Variants in SYT10 observed in about 807,000 individuals in gnomAD.
The protein encoded by SYT10 is synaptotagmin-10.
Under a neutral mutation model 51.1 loss-of-function variants are expected in SYT10, and 31 were observed. The ratio of observed to expected loss-of-function variants is 0.61; its 90% CI spans 0.46 to 0.82. SYT10 has a LOEUF of 0.82. Among genes scored for constraint, SYT10 ranks in the 40% least tolerant of loss-of-function variants. The pLI is 0.00. For synonymous variants in SYT10, 233 were observed against 225.9 expected (o/e 1.03, Z -0.28); for missense variants, 603 against 634.0 (o/e 0.95, Z 0.53).
chr12:33,418,054 C>T (rs1357236627), intron 2 of SYT10, among the ~76,000 whole-genome samples: 3 of 152,190 alleles, frequency 2.0e-5, no homozygotes. Context: ...ACAGTATATT[C>T]ACTGTTCAAA....
intron 1 of SYT10, among the ~76,000 whole-genome samples, chr12:33,434,457 A>T (rs1261665961): frequency 6.6e-6 from 1 of 152,228 alleles, no homozygotes; most frequent in Non-Finnish European, 1.5e-5. Context: ...CTTACAAATA[A>T]TAAAGTTGAA....
intron 3 of SYT10, among the ~76,000 whole-genome samples, chr12:33,399,100 A>G (rs1332293686): frequency 6.6e-6 from 1 of 152,218 alleles, no homozygotes; most frequent in Non-Finnish European, 1.5e-5. Context: ...TTAAATGGGA[A>G]ATTATGTAGA....
intron 3 of SYT10, among the ~76,000 whole-genome samples, chr12:33,394,057 C>T (rs553585210): frequency 6.2e-4 from 95 of 152,194 alleles, no homozygotes; most frequent in Non-Finnish European, 1.1e-3. Flanking sequence ...GTAGATTATA[C>T]ATTAGAACAT....
intron 1 of SYT10, among the ~76,000 whole-genome samples, chr12:33,429,631 G>A (rs1212820463): frequency 6.6e-6 from 1 of 152,154 alleles, no homozygotes; most frequent in Non-Finnish European, 1.5e-5. Flanking sequence ...AAAGGAGAGA[G>A]TGTATTGGGC....
rs1271792416 is a variant in SYT10 at position 33,420,491 on chromosome 12, AAT to A, written c.509+5645_509+5646del. On this transcript the variant is annotated intron_variant, in intron 2 of 6. Transcript: ENST00000228567. ...TTGAGACCTCATCTCTAGAAAAAAA[AAT>A]AAAAAATAATTAGCTGGGCCTGGTG... 1.9e-4 allele frequency among the ~76,000 whole-genome samples: 28 copies of A among 149,228 alleles called. No homozygotes were observed. In the East Asian group the frequency reaches 4.0e-3, roughly 21 times the overall value.
chr12:33,378,874 G>A (rs1391007651), intron 6 of SYT10, among the ~76,000 whole-genome samples: 1 of 151,504 alleles, frequency 6.6e-6, no homozygotes, highest in East Asian at 1.9e-4. Flanking sequence ...GTGTGTGTGT[G>A]TGTCTGTCTT....
At chr12:33,424,065 G>A (rs1866528801) in intron 2 of SYT10, 1 of 452,422 alleles carries the variant, frequency 2.2e-6, no homozygotes, top group Non-Finnish European at 4.4e-6. Context: ...AAAAGTTCTA[G>A]CAAAACTCTG....
At chr12:33,390,701 A>T (rs997311202) in intron 3 of SYT10, among the ~76,000 whole-genome samples, 1 of 152,122 alleles carries the variant, frequency 6.6e-6, no homozygotes, top group African/African-American at 2.4e-5. Context: ...TCAATCTCTA[A>T]ACTTTCATTC....
At chr12:33,379,549 C>CAAAAAAAAAAAAAA (rs71068377) in intron 6 of SYT10, among the ~76,000 whole-genome samples, 2 of 22,066 alleles carry the variant, frequency 9.1e-5, no homozygotes, top group Non-Finnish European at 1.4e-4. Context: ...TCAGGCTATG[C>CAAAAAAAAAAAAAA]AAAAAAAAAA....
intron 3 of SYT10, 29 bp downstream of exon 3, chr12:33,406,760 A>T: frequency 6.5e-7 from 1 of 1,537,694 alleles, no homozygotes; most frequent in Non-Finnish European, 8.8e-7. Context: ...TCAAATAAAA[A>T]ACAATATATT....
At position 33,407,133 on chromosome 12, in the gene SYT10, T is replaced by C. The variant is rs1866361959; in HGVS notation, c.733A>G (p.Asn245Asp). 2 of 1,613,742 alleles carry C rather than the reference T, an allele frequency of 1.2e-6. No homozygotes were observed. The highest frequency in any genetic ancestry group is 4.5e-5 in the East Asian group (2 of 44,878). ...ATAATTTTAACAACTAGAAGTTCATTTTCATAATCATACTGGAGGGTAAAG... is the reference window on the plus strand; with the variant it reads ...ATAATTTTAACAACTAGAAGTTCATCTTCATAATCATACTGGAGGGTAAAG... ...LNFTLQYDYE[N>D]ELLVVKIIKA... The change falls in exon 3 of 7, where the codon AAT becomes GAT. Residue 245 changes from asparagine to aspartate, a missense_variant. Coordinates refer to ENST00000228567, the MANE Select transcript of SYT10 (RefSeq NM_198992.4).
At chr12:33,386,986 G>A (rs1866162086) in intron 3 of SYT10, among the ~76,000 whole-genome samples, 1 of 152,150 alleles carries the variant, frequency 6.6e-6, no homozygotes, top group Non-Finnish European at 1.5e-5. Flanking sequence ...GTGGACAATG[G>A]ACAATTTAGG....
intron 2 of SYT10, among the ~76,000 whole-genome samples, chr12:33,424,872 A>G (rs1398927130): frequency 1.3e-5 from 2 of 152,076 alleles, no homozygotes; most frequent in Non-Finnish European, 2.9e-5. Context: ...TGTCAAAATA[A>G]ACACAAAATA....
At chr12:33,406,555 T>C (rs1164246509) in intron 3 of SYT10, among the ~76,000 whole-genome samples, 1 of 152,168 alleles carries the variant, frequency 6.6e-6, no homozygotes, top group Non-Finnish European at 1.5e-5. Flanking sequence ...AGCCTACCAG[T>C]TCTGCTAATT....
intron 2 of SYT10, among the ~76,000 whole-genome samples, chr12:33,422,286 AAT>A (rs978739176): frequency 2.0e-5 from 3 of 152,056 alleles, no homozygotes; most frequent in African/African-American, 7.2e-5. Flanking sequence ...AGTGCCACTT[AAT>A]GTTTTTTTAC....
chr12:33,394,165 C>T (rs146254256), intron 3 of SYT10, among the ~76,000 whole-genome samples: 462 of 152,264 alleles, frequency 3.0e-3, no homozygotes, highest in Non-Finnish European at 4.6e-3. Context: ...TAGGTGCCAG[C>T]TTCCTTTTAC....
chr12:33,423,303 A>AGTGT (rs139986432), intron 2 of SYT10, among the ~76,000 whole-genome samples: 65 of 149,628 alleles, frequency 4.3e-4, no homozygotes, highest in African/African-American at 1.3e-3. Context: ...AGTTAAATTC[A>AGTGT]GTGTGTGTGT....
intron 3 of SYT10, among the ~76,000 whole-genome samples, chr12:33,401,271 A>G (rs1414249032): frequency 1.3e-5 from 2 of 152,146 alleles, no homozygotes; most frequent in Non-Finnish European, 2.9e-5. Flanking sequence ...ATGAATATGT[A>G]TTTCTCCTTT....
intron 2 of SYT10, among the ~76,000 whole-genome samples, chr12:33,412,326 T>C (rs1427845224): frequency 6.6e-6 from 1 of 152,114 alleles, no homozygotes; most frequent in African/African-American, 2.4e-5. Context: ...AGTCACAGTT[T>C]AGCTAGTCAG....
Sources: allele counts gnomAD v4.1 joint callset (sites outside exome capture counted in the v4.1 genomes callset), GRCh38; gene constraint gnomAD v4.1.1; transcripts MANE v1.5; gene names NCBI Gene and HGNC (gene_info 2026-07-23, HGNC 2026-07-21).